Variants in ERBB4 observed in about 807,000 individuals in gnomAD.
ERBB4 encodes erb-b2 receptor tyrosine kinase 4.
Under a neutral mutation model 158.0 loss-of-function variants are expected in ERBB4, and 42 were observed. The observed-to-expected ratio is 0.27, with a 90% CI of 0.21 to 0.34. The LOEUF is 0.34. Among genes scored for constraint, ERBB4 ranks in the 10% least tolerant of loss-of-function variants. ERBB4 has a pLI of 1.00. For synonymous variants in ERBB4, 583 were observed against 558.7 expected, an observed-to-expected ratio of 1.04 and a Z score of -0.61; for missense variants, 1,333 against 1,624.1, an observed-to-expected ratio of 0.82 and a Z score of 3.08.
chr2:212,529,958 T>C (rs976734787), intron 1 of ERBB4, among the ~76,000 whole-genome samples: 1 of 152,236 alleles, frequency 6.6e-6, no homozygotes, highest in Non-Finnish European at 1.5e-5. Context: ...TAGGTCAGTC[T>C]GGTTTTTAGA....
chr2:212,480,577 C>T (rs1371576045), intron 1 of ERBB4, among the ~76,000 whole-genome samples: 1 of 152,148 alleles, frequency 6.6e-6, no homozygotes, highest in Non-Finnish European at 1.5e-5. Flanking sequence ...ATAATGTGTG[C>T]CATGCAGCAT....
chr2:211,977,206 A>C (rs1441262257), intron 2 of ERBB4, among the ~76,000 whole-genome samples: 1 of 152,168 alleles, frequency 6.6e-6, no homozygotes, highest in Non-Finnish European at 1.5e-5. Context: ...TGGATAGAGA[A>C]ATTGAGCCTT....
chr2:212,437,011 G>T (rs1392256637), intron 1 of ERBB4, among the ~76,000 whole-genome samples: 2 of 152,000 alleles, frequency 1.3e-5, no homozygotes, highest in African/African-American at 4.8e-5. Flanking sequence ...TAAGGCTAGA[G>T]ATCCCAGGGC....
chr2:211,561,001 G>C (rs576740107), intron 20 of ERBB4, among the ~76,000 whole-genome samples: 1 of 151,872 alleles, frequency 6.6e-6, no homozygotes, highest in Non-Finnish European at 1.5e-5. Flanking sequence ...AAAAGACTTC[G>C]GGTCATATTT....
intron 2 of ERBB4, among the ~76,000 whole-genome samples, chr2:212,115,156 A>G (rs1408234271): frequency 2.6e-5 from 4 of 152,156 alleles, no homozygotes; most frequent in Non-Finnish European, 5.9e-5. Flanking sequence ...TATTATTTTT[A>G]TAATAAATGA....
At chr2:212,502,408 G>A (rs572580184) in intron 1 of ERBB4, among the ~76,000 whole-genome samples, 38 of 152,230 alleles carry the variant, frequency 2.5e-4, no homozygotes, top group Admixed American at 2.2e-3. Flanking sequence ...CTCCTGTGAG[G>A]TAGGTATTAT....
At chr2:212,116,474 G>T (rs2079575222) in intron 2 of ERBB4, among the ~76,000 whole-genome samples, 1 of 152,098 alleles carries the variant, frequency 6.6e-6, no homozygotes, top group Non-Finnish European at 1.5e-5. Flanking sequence ...TTGAGACAGG[G>T]TTTTCCTCTG....
intron 1 of ERBB4, among the ~76,000 whole-genome samples, chr2:212,170,155 T>C (rs754365112): frequency 8.5e-5 from 13 of 152,170 alleles, no homozygotes; most frequent in Non-Finnish European, 1.6e-4. Context: ...TGAATGGTTT[T>C]TGGCCAAAAT....
intron 16 of ERBB4, among the ~76,000 whole-genome samples, chr2:211,653,661 A>C (rs919784511): frequency 1.3e-5 from 2 of 151,512 alleles, no homozygotes; most frequent in Non-Finnish European, 2.9e-5. Flanking sequence ...GAAACTCAAA[A>C]CAATTATTTT....
At chr2:212,526,029 T>C (rs1692427557) in intron 1 of ERBB4, among the ~76,000 whole-genome samples, 1 of 152,044 alleles carries the variant, frequency 6.6e-6, no homozygotes, top group African/African-American at 2.4e-5. Flanking sequence ...TTTTTGGTTC[T>C]CCTTTTTTTT....
At chr2:212,374,069 CATATATATATCCATATATATCCAT>C (rs1276039793) in intron 1 of ERBB4, among the ~76,000 whole-genome samples, 8,141 of 77,456 alleles carry the variant, frequency 0.11, 1,533 homozygotes, top group South Asian at 0.14. Flanking sequence ...CATATATATC[CATATATATATCCATATATATCCAT>C]ATATATATAT....
At chr2:211,787,952 T>C in intron 4 of ERBB4, 73 bp downstream of exon 4, 1 of 1,431,564 alleles carries the variant, frequency 7.0e-7, no homozygotes, top group South Asian at 1.1e-5. Flanking sequence ...AGTAATGACA[T>C]AATAAGCATA....
chr2:211,535,775 G>A (rs550993980), intron 20 of ERBB4: 6 of 152,592 alleles, frequency 3.9e-5, no homozygotes, highest in African/African-American at 1.4e-4. Context: ...AATCATATGT[G>A]TCTGTCTAGA....
chr2:212,080,110 G>A (rs778742870), intron 2 of ERBB4, among the ~76,000 whole-genome samples: 10 of 151,716 alleles, frequency 6.6e-5, no homozygotes, highest in Non-Finnish European at 1.5e-4. Flanking sequence ...TCAAGAGATC[G>A]AGACCAACCT....
chr2:212,388,307 A>C (rs2090745331), intron 1 of ERBB4, among the ~76,000 whole-genome samples: 1 of 152,158 alleles, frequency 6.6e-6, no homozygotes, highest in Non-Finnish European at 1.5e-5. Flanking sequence ...ATATCAGAAA[A>C]GATTTTCTTC....
chr2:212,155,126 C>T (rs1374931437), intron 1 of ERBB4, among the ~76,000 whole-genome samples: 1 of 152,096 alleles, frequency 6.6e-6, no homozygotes, highest in Non-Finnish European at 1.5e-5. Flanking sequence ...ACTTGCTACG[C>T]TTTAGTGATA....
chr2:211,753,654 G>A (rs1208781022), intron 4 of ERBB4, among the ~76,000 whole-genome samples: 3 of 151,546 alleles, frequency 2.0e-5, no homozygotes, highest in African/African-American at 2.4e-5. Flanking sequence ...ACGATGACAC[G>A]TCCATGTGAC....
chr2:212,338,937 C>T (rs6734768), intron 1 of ERBB4, among the ~76,000 whole-genome samples: 119,503 of 152,062 alleles, frequency 0.79, 47,339 homozygotes, highest in Middle Eastern at 0.87. Flanking sequence ...CTATATTCAA[C>T]TGGGTTTTTT....
chr2:212,122,449 T>C (rs979992869), intron 2 of ERBB4, among the ~76,000 whole-genome samples: 9 of 152,258 alleles, frequency 5.9e-5, no homozygotes, highest in Non-Finnish European at 7.4e-5. Flanking sequence ...TAAATACATA[T>C]ATTAAAATAA....
Sources: gnomAD v4.1 joint callset for allele counts (sites outside exome capture counted in the v4.1 genomes callset) on GRCh38, gnomAD v4.1.1 for gene constraint, MANE v1.5 for transcripts, NCBI Gene and HGNC (gene_info 2026-07-23, HGNC 2026-07-21) for gene names.